NREP: variants seen among roughly 807,000 people sequenced by gnomAD.
NREP encodes neuronal regeneration-related protein.
Under a neutral mutation model 8.6 loss-of-function variants are expected in NREP, and 5 were observed. The observed-to-expected ratio is 0.58, with a 90% CI of 0.30 to 1.22. The LOEUF (loss-of-function observed/expected upper bound fraction) is 1.22, where lower values mean the gene tolerates loss of function less well. Among genes scored for constraint, NREP ranks in the 50% most tolerant of loss-of-function variants. NREP has a pLI of 0.07. For missense variants in NREP, 86 were observed against 82.5 expected, an observed-to-expected ratio of 1.04 and a Z score of -0.17; for synonymous variants, 27 against 28.0, an observed-to-expected ratio of 0.96 and a Z score of 0.11.
At chr5:111,867,599 A>G (rs1227959132) in intron 2 of NREP, among the ~76,000 whole-genome samples, 1 of 152,198 alleles carries the variant, frequency 6.6e-6, no homozygotes, top group Non-Finnish European at 1.5e-5. Context: ...TTCAGTTCAT[A>G]GCACCTATAA....
intron 2 of NREP, among the ~76,000 whole-genome samples, chr5:111,817,159 T>G (rs929337728): frequency 6.6e-6 from 1 of 152,222 alleles, no homozygotes; most frequent in Admixed American, 6.5e-5. Flanking sequence ...TAAATTGACT[T>G]TAACAGTTTA....
chr5:111,823,712 T>A (rs937379494), intron 2 of NREP, among the ~76,000 whole-genome samples: 4 of 152,176 alleles, frequency 2.6e-5, no homozygotes, highest in Non-Finnish European at 5.9e-5. Context: ...GTCTTTGGGT[T>A]TCAAAATTTC....
intron 2 of NREP, among the ~76,000 whole-genome samples, chr5:111,827,034 A>G (rs1260298017): frequency 6.6e-6 from 1 of 152,158 alleles, no homozygotes; most frequent in Non-Finnish European, 1.5e-5. Flanking sequence ...GCAAATAGAT[A>G]TTTTCTTAAA....
chr5:111,973,660 C>A (rs539206813), intron 2 of NREP, among the ~76,000 whole-genome samples: 1 of 152,306 alleles, frequency 6.6e-6, no homozygotes, highest in African/African-American at 2.4e-5. Context: ...GAATAATCAT[C>A]ATTCCAGCTC....
chr5:111,918,520 C>CA (rs1755130907), intron 2 of NREP, among the ~76,000 whole-genome samples: 1 of 152,082 alleles, frequency 6.6e-6, no homozygotes, highest in Non-Finnish European at 1.5e-5. Flanking sequence ...GATACATAGA[C>CA]CAATGGAACA....
intron 2 of NREP, among the ~76,000 whole-genome samples, chr5:111,964,712 C>G (rs916765588): frequency 1.3e-5 from 2 of 151,756 alleles, no homozygotes; most frequent in African/African-American, 2.4e-5. Flanking sequence ...CAGTTTGGCT[C>G]TATTATAAAA....
At chr5:111,757,196 G>A, upstream of NREP, 2 of 931,102 alleles carry the variant, frequency 2.1e-6, no homozygotes, top group Non-Finnish European at 2.5e-6. Flanking sequence ...CACAAATGTG[G>A]TTGAAAAAGG....
intron 2 of NREP, among the ~76,000 whole-genome samples, chr5:111,768,335 T>G (rs1751134507): frequency 6.6e-6 from 1 of 152,184 alleles, no homozygotes; most frequent in South Asian, 2.1e-4. Context: ...TTGCTTTTGT[T>G]GTTTGGCTTT....
chr5:111,898,457 T>C (rs1181336768), intron 2 of NREP, among the ~76,000 whole-genome samples: 1 of 152,094 alleles, frequency 6.6e-6, no homozygotes, highest in Non-Finnish European at 1.5e-5. Flanking sequence ...GAAACGTAAA[T>C]GTACAGCAGG....
At chr5:111,745,877 T>C (rs1749968947) in intron 2 of NREP, among the ~76,000 whole-genome samples, 1 of 152,176 alleles carries the variant, frequency 6.6e-6, no homozygotes, top group Admixed American at 6.6e-5. Context: ...CTTTAATTAA[T>C]GTATTAGAAA....
chr5:111,957,095 C>A (rs935641317), intron 2 of NREP, among the ~76,000 whole-genome samples: 20 of 151,080 alleles, frequency 1.3e-4, no homozygotes, highest in Non-Finnish European at 2.2e-4. Context: ...AAAGAAGAGA[C>A]TGTTACTAAT....
chr5:111,928,215 TTTAAG>T (rs1188134150), intron 2 of NREP, among the ~76,000 whole-genome samples: 98 of 152,286 alleles, frequency 6.4e-4, no homozygotes, highest in African/African-American at 2.3e-3. Context: ...CGCATAGACT[TTTAAG>T]TTAACATCTA....
chr5:111,862,107 G>A (rs1753556307), intron 2 of NREP, among the ~76,000 whole-genome samples: 1 of 152,082 alleles, frequency 6.6e-6, no homozygotes, highest in South Asian at 2.1e-4. Context: ...GCAATTCTTT[G>A]TATAAAACCT....
At chr5:111,807,670 AC>A (rs890774046) in intron 2 of NREP, among the ~76,000 whole-genome samples, 11 of 152,284 alleles carry the variant, frequency 7.2e-5, no homozygotes, top group African/African-American at 2.6e-4. Context: ...AGAAAAAAAA[AC>A]CAGATTTCAG....
In NREP at chr5:111,881,159, G is replaced by A. The variant is rs142539317; in HGVS notation, c.135+94115C>T. On this transcript the variant is annotated intron_variant, in intron 2 of 3. Transcript: ENST00000395634. ...TTTTCCGACAGGCTTAAAAAACGGCGCACCAGGAGATTATATCCCACACCT... is the reference window on the plus strand; with the variant it reads ...TTTTCCGACAGGCTTAAAAAACGGCACACCAGGAGATTATATCCCACACCT... 8.7e-3 allele frequency among the ~76,000 whole-genome samples: 1,318 copies of A among 152,312 alleles called. 21 individuals carry two copies. Among genetic ancestry groups the A allele is most frequent in the African/African-American group, 0.03 (1,246 of 41,560 alleles).
At chr5:111,957,707 A>T (rs1424560021) in intron 2 of NREP, among the ~76,000 whole-genome samples, 1 of 150,500 alleles carries the variant, frequency 6.6e-6, no homozygotes, top group African/African-American at 2.5e-5. Context: ...ATATATATAT[A>T]CACACACACA....
rs551742662 is a variant in NREP, at chr5:111,947,679, T to C, written c.135+27595A>G. 7.2e-5 allele frequency among the ~76,000 whole-genome samples: 11 copies of C among 152,154 alleles called. No individual in the cohort carries two copies. The South Asian group carries it at 2.1e-3, about 29-fold the overall frequency. On this transcript the variant is annotated intron_variant, in intron 2 of 3. Coordinates refer to the NREP transcript ENST00000395634. ...ATAGAGGTTCGAATACCTATAAATA[T>C]TAGCCTATTAATTAATACTATACTC... is the stretch of plus-strand genomic sequence containing the variant.
At chr5:111,838,314 A>C (rs114266126) in intron 2 of NREP, among the ~76,000 whole-genome samples, 3,471 of 152,230 alleles carry the variant, frequency 0.023, 51 homozygotes, top group Non-Finnish European at 0.027. Context: ...AGTGGCTACT[A>C]CACTGGTCAG....
intron 2 of NREP, among the ~76,000 whole-genome samples, chr5:111,904,558 G>A (rs1212880143): frequency 6.6e-6 from 1 of 151,958 alleles, no homozygotes; most frequent in Non-Finnish European, 1.5e-5. Flanking sequence ...ATTCATTTAA[G>A]GTTCCTCCAT....
Sources: allele counts gnomAD v4.1 joint callset (sites outside exome capture counted in the v4.1 genomes callset), GRCh38; gene constraint gnomAD v4.1.1; transcripts MANE v1.5; gene names NCBI Gene and HGNC (gene_info 2026-07-23, HGNC 2026-07-21).